Variants in TNRC6C observed in about 807,000 individuals in gnomAD.
TNRC6C encodes the protein trinucleotide repeat-containing gene 6C protein.
A neutral mutation model predicts 153.7 loss-of-function variants in TNRC6C; 20 were observed. That is an observed-to-expected ratio of 0.13 (90% CI 0.09 to 0.19). The LOEUF is 0.19. Ranked by LOEUF, TNRC6C falls within the 10% of genes least tolerant of loss-of-function variation. TNRC6C has a pLI of 1.00. For synonymous variants in TNRC6C, 811 were observed against 841.4 expected (o/e 0.96, Z 0.63); for missense variants, 1,987 against 2,172.0 (o/e 0.91, Z 1.69).
chr17:78,070,339 T>C (rs2072968418), intron 5 of TNRC6C, among the ~76,000 whole-genome samples: 1 of 152,226 alleles, frequency 6.6e-6, no homozygotes, highest in Admixed American at 6.5e-5. Context: ...TGCTCCATGA[T>C]ATAGCTGTGG....
intron 16 of TNRC6C, among the ~76,000 whole-genome samples, chr17:78,096,007 G>C (rs2073479176): frequency 6.6e-6 from 1 of 152,216 alleles, no homozygotes; most frequent in African/African-American, 2.4e-5. Context: ...GCTGTGATTG[G>C]GCCACTGCAC....
rs368376173 is a variant in TNRC6C, at chr17:78,040,265, G to C, written c.-219+8423G>C. Among the ~76,000 whole-genome samples, 26 of 152,316 alleles carry C rather than the reference G, an allele frequency of 1.7e-4. No homozygotes were observed. The East Asian group carries it at 4.4e-3, about 26-fold the overall frequency. On this transcript the variant is annotated intron_variant, in intron 2 of 19. Transcript: ENST00000301624. ...ATGCCACCTGATCATGTCAGGTTCA[G>C]TGCAGATTATGTTTTGCAAGTCTGC... is the stretch of plus-strand genomic sequence containing the variant.
In TNRC6C at chr17:78,098,348, C is replaced by T. The variant is rs1203834046; in HGVS notation, c.4312C>T (p.Leu1438=). ...CCATCTCTCTGCCTTTCTAGGTAAA[C>T]TGTCAGACATCAAATCGACGTGGTC... The change falls in exon 17 of 20, where the codon CTG becomes TTG. Residue 1438 remains leucine (L), a synonymous_variant. Transcript: ENST00000301624. 2.5e-6 allele frequency: 4 copies of T among 1,610,084 alleles called. No homozygotes were observed. In the South Asian group the frequency reaches 3.3e-5, roughly 13 times the overall value.
intron 1 of TNRC6C, among the ~76,000 whole-genome samples, chr17:77,980,792 G>A (rs189408352): frequency 2.0e-5 from 3 of 152,178 alleles, no homozygotes; most frequent in South Asian, 2.1e-4. Flanking sequence ...AAATAATTAC[G>A]TTTACCAGGT....
At chr17:78,069,097 G>A (rs918535144) in intron 5 of TNRC6C, among the ~76,000 whole-genome samples, 1 of 151,968 alleles carries the variant, frequency 6.6e-6, no homozygotes, top group African/African-American at 2.4e-5. Flanking sequence ...GTACATGACA[G>A]AAAATACCAT....
intron 1 of TNRC6C, among the ~76,000 whole-genome samples, chr17:78,010,956 G>A (rs985059278): frequency 4.6e-5 from 7 of 152,168 alleles, no homozygotes; most frequent in Admixed American, 2.6e-4. Flanking sequence ...GCAAGGAAGC[G>A]GGGCGCTGTG....
intron 1 of TNRC6C, among the ~76,000 whole-genome samples, chr17:77,960,335 G>A (rs1051714870): frequency 6.6e-6 from 1 of 152,178 alleles, no homozygotes; most frequent in African/African-American, 2.4e-5. Context: ...TGTAGCCGAG[G>A]TTCGGTTTTT....
At chr17:78,060,273 C>A (rs777176550) in intron 3 of TNRC6C, among the ~76,000 whole-genome samples, 5 of 152,094 alleles carry the variant, frequency 3.3e-5, no homozygotes, top group Non-Finnish European at 5.9e-5. Context: ...ATTGATCTTA[C>A]AGCTATCAAT....
chr17:78,104,404 C>G lies in TNRC6C; in HGVS notation c.4713-81C>G. ...AGGATGGCTTCCATGTGGGGCCGTT[C>G]CCAATACAGAGAAAGCCAGTGCCAC... On this transcript the variant is annotated intron_variant, in intron 19 of 19. Transcript: ENST00000301624. This position sits in a 1 kb window ranked among gnomAD's most constrained non-coding sequence, Gnocchi z 6.2. 1 of 1,415,214 alleles carries G rather than the reference C, an allele frequency of 7.1e-7. No individual in the cohort carries two copies. The highest frequency in any genetic ancestry group is 9.2e-7 in the Non-Finnish European group (1 of 1,083,260). 87.7% of individuals were successfully genotyped at this position (1,415,214 alleles called of 1,614,324 possible).
chr17:78,050,945 C>G (rs551403771), exon 3 of TNRC6C: 3 of 1,613,884 alleles, frequency 1.9e-6, no homozygotes, highest in African/African-American at 2.7e-5. Flanking sequence ...AGGTCAGGGT[C>G]TGGTTGGAAT....
upstream of TNRC6C, among the ~76,000 whole-genome samples, chr17:77,958,413 G>A (rs139070071): frequency 5.9e-5 from 9 of 152,082 alleles, no homozygotes; most frequent in East Asian, 2.0e-4. Context: ...AGCGCGCACC[G>A]CTCGCACCCC....
In TNRC6C at chr17:78,104,676, C is replaced by T. The variant is rs1457301922; in HGVS notation, c.4904C>T (p.Ala1635Val). 3 of 1,542,514 alleles carry T rather than the reference C, an allele frequency of 1.9e-6. No individual in the cohort carries two copies. Among genetic ancestry groups the T allele is most frequent in the Non-Finnish European group, 2.6e-6 (3 of 1,146,274 alleles). Residue 1635 changes from alanine (A) to valine (V), a missense_variant, in exon 20 of 20, where the codon GCC becomes GTC. Around this residue, in one of 4 missense-constraint regions of TNRC6C, gnomAD observed 139 missense variants for 148.5 expected, o/e 0.94. Transcript: ENST00000301624. The surrounding 1 kb of genome is among the most constrained non-coding windows in gnomAD (Gnocchi z 6.2). ...CGCAGCGACGCTGGCCACTGGAACG[C>T]CCCGTGCCTGGGTGGCAAGGGGAGC...
chr17:78,025,238 C>T (rs1019733034), intron 1 of TNRC6C, among the ~76,000 whole-genome samples: 3 of 152,178 alleles, frequency 2.0e-5, no homozygotes, highest in African/African-American at 7.2e-5. Context: ...CATAGTCATC[C>T]CCCACTCCCC....
chr17:78,103,548 G>C, exon 19 of TNRC6C: 1 of 1,613,958 alleles, frequency 6.2e-7, no homozygotes, highest in South Asian at 1.1e-5. Context: ...AGAAGTCTCT[G>C]CACATGTATG....
chr17:78,091,751 A>G, intron 14 of TNRC6C, 144 bp downstream of exon 16: 1 of 940,460 alleles, frequency 1.1e-6, no homozygotes, highest in Non-Finnish European at 1.4e-6. Flanking sequence ...ATTATAGTGC[A>G]TATAAGATCT....
intron 2 of TNRC6C, among the ~76,000 whole-genome samples, chr17:78,033,196 A>G (rs2072108794): frequency 6.6e-6 from 1 of 152,204 alleles, no homozygotes; most frequent in Non-Finnish European, 1.5e-5. Flanking sequence ...ACAGTATTGC[A>G]TCAGTTTTCT....
chr17:78,104,719 C>A lies in TNRC6C; in HGVS notation c.4947C>A (p.Gly1649=). The change falls in exon 20 of 20, where the codon GGC becomes GGA. Residue 1649 remains glycine, a synonymous_variant. Coordinates refer to ENST00000301624, the Ensembl canonical transcript of TNRC6C. This position sits in a 1 kb window ranked among gnomAD's most constrained non-coding sequence, Gnocchi z 6.2. ...AGGGGAGCAGTGAGCTGCTGTGGGGCGGGGTGCCCCAGTACTCCAGCAGCC... is the reference window on the plus strand; with the variant it reads ...AGGGGAGCAGTGAGCTGCTGTGGGGAGGGGTGCCCCAGTACTCCAGCAGCC... 6.5e-7 allele frequency: 1 copy of A among 1,534,368 alleles called. No homozygotes were observed. Among genetic ancestry groups the A allele is most frequent in the Non-Finnish European group, 8.7e-7 (1 of 1,143,518 alleles).
chr17:78,040,651 A>G (rs1221740437), intron 2 of TNRC6C, among the ~76,000 whole-genome samples: 1 of 152,256 alleles, frequency 6.6e-6, no homozygotes, highest in Non-Finnish European at 1.5e-5. Flanking sequence ...CCAATAGGCA[A>G]AATGCCGTTA....
chr17:77,999,899 A>G (rs1379206265), upstream of TNRC6C, among the ~76,000 whole-genome samples: 1 of 152,246 alleles, frequency 6.6e-6, no homozygotes, highest in Non-Finnish European at 1.5e-5. Flanking sequence ...TAACACAGCC[A>G]GGGAGTGACA....
Sources: gnomAD v4.1 joint callset for allele counts (sites outside exome capture counted in the v4.1 genomes callset) on GRCh38, gnomAD v4.1.1 for gene constraint, gnomAD v4.1.1 regional missense constraint, Gnocchi (gnomAD v3.1) non-coding constraint, MANE v1.5 for transcripts, NCBI Gene and HGNC (gene_info 2026-07-23, HGNC 2026-07-21) for gene names.